Variants in PDK2 observed in about 807,000 individuals in gnomAD.
PDK2 encodes the protein pyruvate dehydrogenase kinase, isozyme 2.
Under a neutral mutation model 50.4 loss-of-function variants are expected in PDK2, and 34 were observed. The observed-to-expected ratio is 0.68, with a 90% CI of 0.51 to 0.90. PDK2 has a LOEUF of 0.90. PDK2 is among the 40% of genes least tolerant of loss of function. The pLI is 0.00. For synonymous variants in PDK2, 232 were observed against 216.0 expected, an observed-to-expected ratio of 1.07 and a Z score of -0.65; for missense variants, 377 against 544.5, an observed-to-expected ratio of 0.69 and a Z score of 3.06.
At chr17:50,108,444 C>G (rs768010299) in intron 8 of PDK2, 27 bp downstream of exon 8, 1 of 1,570,624 alleles carries the variant, frequency 6.4e-7, no homozygotes, top group Non-Finnish European at 8.8e-7. Context: ...CCTTGGGGAC[C>G]AGGGAGCAGT....
rs768505456 is a variant in PDK2, at chr17:50,109,249, A to AGCCTCCTCATCCTCACTGCCTTCCTGCCC, written c.970-37_970-9dup. The AGCCTCCTCATCCTCACTGCCTTCCTGCCC allele has an allele frequency of 3.6e-6, 5 of 1,375,436 alleles. No homozygotes were observed. The African/African-American group carries it at 7.1e-5, about 20-fold the overall frequency. The allele number at this position is 1,375,436 out of a possible 1,614,324, so 85.2% of individuals were successfully genotyped here. A position where few individuals can be genotyped will look rare whatever the true frequency, so the allele number is the denominator to read the frequency against. On this transcript the variant is annotated intron_variant, in intron 9 of 10. Transcript: ENST00000503176. The surrounding 1 kb of genome is among the most constrained non-coding windows in gnomAD (Gnocchi z 5.0). Reference sequence around the variant, plus strand: ...CCTGCAGCTCCAGGAGGCCCCTGCCAGCCTCCTCATCCTCACTGCCTTCCT... The same window carrying AGCCTCCTCATCCTCACTGCCTTCCTGCCC: ...CCTGCAGCTCCAGGAGGCCCCTGCCAGCCTCCTCATCCTCACTGCCTTCCTGCCCGCCTCCTCATCCTCACTGCCTTCCT...
rs961354814 is a variant in PDK2, at chr17:50,109,877, G to A, written c.1084-80G>A. On this transcript the variant is annotated intron_variant, in intron 10 of 10. Coordinates refer to ENST00000503176, the MANE Select transcript of PDK2 (RefSeq NM_002611.5). The surrounding 1 kb of genome is among the most constrained non-coding windows in gnomAD (Gnocchi z 5.0). ...CCCCGTGTCTGGCAGCTGGGCTGCC[G>A]CTGAGCTGGGGTGGGGTGGTCTGCT... The A allele has an allele frequency of 3.8e-5, 52 of 1,382,230 alleles. No homozygotes were observed. Among genetic ancestry groups the A allele is most frequent in the East Asian group, 1.6e-4 (6 of 37,540 alleles). The allele number at this position is 1,382,230 out of a possible 1,614,324, so 85.6% of individuals were successfully genotyped here. A position where few individuals can be genotyped will look rare whatever the true frequency, so the allele number is the denominator to read the frequency against.
chr17:50,097,719 C>A, intron 2 of PDK2, 155 bp downstream of exon 2: 1 of 781,080 alleles, frequency 1.3e-6, no homozygotes, highest in East Asian at 2.8e-5. Flanking sequence ...CCTAGGGTCA[C>A]GTGGGAATCT....
chr17:50,105,495 T>C (rs534376153), intron 3 of PDK2, 53 bp downstream of exon 3: 5 of 1,474,636 alleles, frequency 3.4e-6, no homozygotes, highest in African/African-American at 2.8e-5. Context: ...CAGGGGCATC[T>C]GGGGTTGCAG....
At chr17:50,097,283 G>A (rs1909998173) in intron 1 of PDK2, 140 bp from the exon 2 acceptor site, 6 of 763,570 alleles carry the variant, frequency 7.9e-6, no homozygotes, top group Non-Finnish European at 1.3e-5. Flanking sequence ...TGCAGGGGAT[G>A]GGGAGCCTTG....
Position 50,095,397 on chromosome 17 carries a change from C to T in PDK2, c.-39C>T, listed in dbSNP as rs751451177. On this transcript the variant is annotated 5_prime_UTR_variant, in exon 1 of 11. Transcript: ENST00000503176. Reference sequence around the variant, plus strand: ...GGCCGAAAGGTGCGCGAGCGCTGCCCGCGCGGGGACCACAACCAAAGTCGC... The same window carrying T: ...GGCCGAAAGGTGCGCGAGCGCTGCCTGCGCGGGGACCACAACCAAAGTCGC... 1.3e-5 allele frequency: 19 copies of T among 1,469,492 alleles called. No individual in the cohort carries two copies. Among genetic ancestry groups the T allele is most frequent in the Non-Finnish European group, 1.8e-5 (19 of 1,063,122 alleles). 91.0% of individuals were successfully genotyped at this position (1,469,492 alleles called of 1,614,324 possible).
chr17:50,097,482 C>T lies in PDK2; in HGVS notation c.178C>T (p.Arg60Cys), dbSNP rs1380109585. The change falls in exon 2 of 11, where the codon CGC becomes TGC. Residue 60 changes from arginine (R) to cysteine (C), a missense_variant. Physicochemically the swap from Arg to Cys is radical, Grantham distance 180. Around this residue, in one of 3 missense-constraint regions of PDK2, gnomAD observed 100 missense variants for 115.5 expected, o/e 0.87. Transcript: ENST00000503176. ...FTFLRQELPV[R>C]LANIMKEINL... ...CTTCCTCAGGCAGGAGCTGCCTGTG[C>T]GCCTGGCCAACATCATGAAAGAGAT... 12 of 1,613,774 alleles carry T rather than the reference C, an allele frequency of 7.4e-6. No individual in the cohort carries two copies. Among genetic ancestry groups the T allele is most frequent in the Non-Finnish European group, 9.3e-6 (11 of 1,179,908 alleles).
At position 50,110,381 on chromosome 17, in the gene PDK2, GTCC is replaced by G; in HGVS notation, c.*290_*292del. 3.4e-6 allele frequency: 1 copy of G among 290,726 alleles called. No individual in the cohort carries two copies. Among genetic ancestry groups the G allele is most frequent in the East Asian group, 5.9e-5 (1 of 16,814 alleles). The allele number at this position is 290,726 out of a possible 1,614,324, so 18.0% of individuals were successfully genotyped here. On this transcript the variant is annotated 3_prime_UTR_variant, in exon 11 of 11. Transcript: ENST00000503176. ...GTCCCAGAGACATTTTCCCATGGCA[GTCC>G]TCCTCTCTGAGACCAGGGCTGTCAC...
At chr17:50,096,898 C>T (rs955481623) in intron 1 of PDK2, among the ~76,000 whole-genome samples, 1 of 152,180 alleles carries the variant, frequency 6.6e-6, no homozygotes, top group African/African-American at 2.4e-5. Context: ...TTCTCAGGCC[C>T]GTTTGCCCCA....
rs1470888748 is a variant in PDK2 at position 50,108,612 on chromosome 17, A to G, written c.862A>G (p.Met288Val). The part of the protein sequence containing the change: ...ALGEEDLSIK[M>V]SDRGGGVPLR... ...CCCTGACACATCCCATCTCTCCCAG[A>G]TGAGTGACCGAGGTGGGGGTGTTCC... The change falls in exon 9 of 11, where the codon ATG becomes GTG. Residue 288 changes from methionine to valine, a missense_variant and splice_region_variant. Physicochemically the swap from Met to Val is conservative, Grantham distance 21 (BLOSUM62 1). Coordinates refer to ENST00000503176, the MANE Select transcript of PDK2 (RefSeq NM_002611.5). The G allele has an allele frequency of 1.9e-6, 3 of 1,608,172 alleles. No individual in the cohort carries two copies. The highest frequency in any genetic ancestry group is 2.2e-5 in the East Asian group (1 of 44,818).
rs1910226387 is a variant in PDK2, at chr17:50,101,487, C to T, written c.261-3884C>T. Reference sequence around the variant, plus strand: ...GGAGGCGGGACACCGCCACCTCTCCCCCAAGTGCAGCGAGCACCCTCCTCC... The same window carrying T: ...GGAGGCGGGACACCGCCACCTCTCCTCCAAGTGCAGCGAGCACCCTCCTCC... On this transcript the variant is annotated intron_variant, in intron 2 of 10. Transcript: ENST00000503176. The surrounding 1 kb of genome is among the most constrained non-coding windows in gnomAD (Gnocchi z 4.2). 6.6e-6 allele frequency among the ~76,000 whole-genome samples: 1 copy of T among 152,176 alleles called. No homozygotes were observed. The highest frequency in any genetic ancestry group is 2.4e-5 in the African/African-American group (1 of 41,436).
chr17:50,096,758 G>C (rs1304581481), intron 1 of PDK2, among the ~76,000 whole-genome samples: 1 of 152,218 alleles, frequency 6.6e-6, no homozygotes, highest in African/African-American at 2.4e-5. Context: ...GGCATGGCCT[G>C]GGTGACAGAG....
chr17:50,100,704 C>T (rs180782600), intron 2 of PDK2: 4 of 152,354 alleles, frequency 2.6e-5, no homozygotes, highest in African/African-American at 7.2e-5. Flanking sequence ...ATTTCATCTT[C>T]GCAACCTTAT....
intron 2 of PDK2, among the ~76,000 whole-genome samples, chr17:50,098,048 G>C (rs1055597372): frequency 3.3e-5 from 5 of 152,226 alleles, no homozygotes; most frequent in Non-Finnish European, 7.3e-5. Flanking sequence ...GGATGGCACA[G>C]TACCTTCCCG....
chr17:50,096,497 CG>C (rs1909956995), intron 1 of PDK2, among the ~76,000 whole-genome samples: 1 of 152,100 alleles, frequency 6.6e-6, no homozygotes, highest in Non-Finnish European at 1.5e-5. Flanking sequence ...AATGATGGGA[CG>C]GGAACAGAGA....
Position 50,108,391 on chromosome 17 carries a change from T to G in PDK2, c.835T>G (p.Leu279Val). 1 of 1,613,796 alleles carries G rather than the reference T, an allele frequency of 6.2e-7. No homozygotes were observed. Among genetic ancestry groups the G allele is most frequent in the Non-Finnish European group, 8.5e-7 (1 of 1,179,704 alleles). The change falls in exon 8 of 11, where the codon TTG becomes GTG. Residue 279 changes from leucine to valine, a missense_variant. By Grantham distance (32) the Leu-to-Val change is conservative (BLOSUM62 1). This residue lies in a region of PDK2 where 214 missense variants were observed against 294.0 expected (regional missense o/e 0.73). Coordinates refer to ENST00000503176, the MANE Select transcript of PDK2 (RefSeq NM_002611.5). ...CCCACCCATCAAGGTCATGGTGGCC[T>G]TGGGTGAGGAAGATCTGTCCATCAA... ...ILPPIKVMVA[L>V]GEEDLSIKMS...
chr17:50,096,029 CT>C, intron 1 of PDK2: 1 of 782,012 alleles, frequency 1.3e-6, no homozygotes, highest in Non-Finnish European at 1.6e-6. Context: ...TCAGACACCC[CT>C]GGGCAGAGGG....
chr17:50,105,253 C>T, intron 2 of PDK2, 118 bp from the exon 3 acceptor site: 1 of 551,218 alleles, frequency 1.8e-6, no homozygotes, highest in African/African-American at 2.0e-5. Flanking sequence ...GGCTTGTCGG[C>T]AGCTCTGTGT....
At chr17:50,106,332 AT>A in intron 4 of PDK2, 3 of 840,390 alleles carry the variant, frequency 3.6e-6, no homozygotes, top group Non-Finnish European at 5.1e-6. Flanking sequence ...AGAATGTTTA[AT>A]TTAGTATTTA....
Sources: allele counts gnomAD v4.1 joint callset (sites outside exome capture counted in the v4.1 genomes callset), GRCh38; gene constraint gnomAD v4.1.1; regional missense constraint gnomAD v4.1.1; non-coding constraint Gnocchi (gnomAD v3.1); transcripts MANE v1.5; gene names NCBI Gene and HGNC (gene_info 2026-07-23, HGNC 2026-07-21).